The following C2CD2 variants were observed in gnomAD, a reference collection of about 807,000 sequenced individuals.
C2CD2 encodes the protein C2 domain-containing protein 2.
C2CD2 carries 43 observed loss-of-function variants against 74.3 expected under a neutral mutation model. The ratio of observed to expected loss-of-function variants is 0.58; its 90% CI spans 0.45 to 0.75. The LOEUF (loss-of-function observed/expected upper bound fraction) is 0.75. Ranked by LOEUF, C2CD2 falls within the 30% of genes least tolerant of loss-of-function variation. C2CD2 has a pLI of 0.00. For missense variants in C2CD2, 801 were observed against 916.3 expected, an observed-to-expected ratio of 0.87 and a Z score of 1.63; for synonymous variants, 422 against 390.7, an observed-to-expected ratio of 1.08 and a Z score of -0.94.
intron 13 of C2CD2, chr21:41,894,838 C>T: frequency 4.4e-6 from 2 of 456,734 alleles, no homozygotes; most frequent in Non-Finnish European, 8.8e-6. Context: ...TGCCAGTGCA[C>T]ACTAAATAGC....
At chr21:41,917,836 C>A (rs1189276432) in intron 5 of C2CD2, among the ~76,000 whole-genome samples, 1 of 152,116 alleles carries the variant, frequency 6.6e-6, no homozygotes, top group East Asian at 1.9e-4. Context: ...TTCCCAGGTA[C>A]CTTGGTCCTG....
chr21:41,889,374 A>G (rs1281878617), intron 13 of C2CD2, 30 bp from the exon 14 acceptor site: 2 of 1,494,280 alleles, frequency 1.3e-6, no homozygotes, highest in East Asian at 2.3e-5. Context: ...GGGCTGGTCA[A>G]GTGGGCAGGG....
rs937468336 is a variant in C2CD2 at position 41,886,001 on chromosome 21, A to G, written c.*3123T>C. ...ATGGCTACTTTTTGTTATTGCTACA[A>G]TAACACACGCGTGTGTGCAAACACA... On this transcript the variant is annotated 3_prime_UTR_variant, in exon 14 of 14. Coordinates refer to ENST00000380486, the MANE Select transcript of C2CD2 (RefSeq NM_015500.2). The G allele has an allele frequency of 1.3e-5, 2 of 152,412 alleles. No individual in the cohort carries two copies. Among genetic ancestry groups the G allele is most frequent in the East Asian group, 3.8e-4 (2 of 5,198 alleles). The allele number at this position is 152,412 out of a possible 1,614,324, so 9.4% of individuals were successfully genotyped here.
At chr21:41,904,356 C>T (rs1352861298) in intron 11 of C2CD2, among the ~76,000 whole-genome samples, 1 of 152,134 alleles carries the variant, frequency 6.6e-6, no homozygotes, top group Non-Finnish European at 1.5e-5. Flanking sequence ...AATAATCCAC[C>T]ACTTGTTTAA....
rs1390151447 is a variant in C2CD2, at chr21:41,889,135, G to A, written c.2080C>T (p.Pro694Ser). ...GATGACCTCAGGCCCTACGTGCAGGGCTCCACGGGGGCACCGTTCATGGTG... is the reference window on the plus strand; with the variant it reads ...GATGACCTCAGGCCCTACGTGCAGGACTCCACGGGGGCACCGTTCATGGTG... ...KNTMNGAPVE[P>S]CT The change falls in exon 14 of 14, where the codon CCC (proline) becomes TCC (serine). Residue 694 changes from proline (P) to serine (S), a missense_variant. Physicochemically the swap from Pro to Ser is moderately conservative, Grantham distance 74. Transcript: ENST00000380486. The A allele has an allele frequency of 1.2e-6, 2 of 1,611,824 alleles. No homozygotes were observed. The highest frequency in any genetic ancestry group is 4.5e-5 in the East Asian group (2 of 44,878).
intron 2 of C2CD2, among the ~76,000 whole-genome samples, chr21:41,934,825 C>T (rs1028172875): frequency 6.7e-6 from 1 of 150,328 alleles, no homozygotes; most frequent in Middle Eastern, 3.5e-3. Flanking sequence ...CTAACCAGGA[C>T]AACACGGCTG....
In C2CD2 at chr21:41,885,571, T is replaced by C. The variant is rs1234831052; in HGVS notation, c.*3553A>G. 1 of 152,586 alleles carries C rather than the reference T, an allele frequency of 6.6e-6. No homozygotes were observed. The highest frequency in any genetic ancestry group is 1.5e-5 in the Non-Finnish European group (1 of 68,112). The allele number at this position is 152,586 out of a possible 1,614,324, so 9.5% of individuals were successfully genotyped here. A position where few individuals can be genotyped will look rare whatever the true frequency, so the allele number is the denominator to read the frequency against. On this transcript the variant is annotated 3_prime_UTR_variant, in exon 14 of 14. Transcript: ENST00000380486. The stretch of plus-strand genomic sequence containing the variant: ...TCGTGTCTAGGCCGGTTTGGGGCAG[T>C]GGGGAGAGGGCCTGGCAGCAGGGTT...
rs1052586385 is a variant in C2CD2, at chr21:41,899,657, T to C, written c.1561-295A>G. Among the ~76,000 whole-genome samples the C allele has an allele frequency of 6.6e-6, 1 of 151,882 alleles. No individual in the cohort carries two copies. The highest frequency in any genetic ancestry group is 1.5e-5 in the Non-Finnish European group (1 of 67,980). On this transcript the variant is annotated intron_variant, in intron 12 of 13. Transcript: ENST00000380486. This position sits in a 1 kb window ranked among gnomAD's most constrained non-coding sequence, Gnocchi z 4.4. ...ATGGGCCTAGCGGTGGGAGCGTTTGTGGCAAGCTGCAGAAATGAGATGCGA... is the reference window on the plus strand; with the variant it reads ...ATGGGCCTAGCGGTGGGAGCGTTTGCGGCAAGCTGCAGAAATGAGATGCGA...
At chr21:41,902,071 G>A (rs112258510) in intron 11 of C2CD2, among the ~76,000 whole-genome samples, 33 of 152,332 alleles carry the variant, frequency 2.2e-4, no homozygotes, top group African/African-American at 7.9e-4. Flanking sequence ...CTGGTCTACA[G>A]CTTGATTCCC....
chr21:41,900,883 G>A, intron 12 of C2CD2: 1 of 152,240 alleles, frequency 6.6e-6, no homozygotes, highest in Non-Finnish European at 1.5e-5. Flanking sequence ...GATCGCTTGA[G>A]CCCAGGAGTT....
rs1267883589 is a variant in C2CD2 at position 41,926,203 on chromosome 21, C to T, written c.379-4118G>A. Among the ~76,000 whole-genome samples, 1 of 152,146 alleles carries T rather than the reference C, an allele frequency of 6.6e-6. No homozygotes were observed. The highest frequency in any genetic ancestry group is 1.5e-5 in the Non-Finnish European group (1 of 68,030). Reference sequence around the variant, plus strand: ...CAACAACCAACCATCCCCCAACCTGCATTTTTTTGACATTTTTTTTCCCCA... The same window carrying T: ...CAACAACCAACCATCCCCCAACCTGTATTTTTTTGACATTTTTTTTCCCCA... On this transcript the variant is annotated intron_variant, in intron 2 of 13. Coordinates refer to ENST00000380486, the MANE Select transcript of C2CD2 (RefSeq NM_015500.2). This position sits in a 1 kb window ranked among gnomAD's most constrained non-coding sequence, Gnocchi z 8.0.
intron 1 of C2CD2, among the ~76,000 whole-genome samples, chr21:41,947,399 C>T (rs566393058): frequency 1.5e-4 from 23 of 152,002 alleles, no homozygotes; most frequent in African/African-American, 5.3e-4. Flanking sequence ...TCAGGTGATC[C>T]GCCCGCCTCA....
chr21:41,935,953 G>A (rs762936656), intron 2 of C2CD2, among the ~76,000 whole-genome samples: 2 of 151,852 alleles, frequency 1.3e-5, no homozygotes, highest in Admixed American at 6.6e-5. Context: ...AACTCAAAAT[G>A]CATGAAAAAC....
At chr21:41,922,999 CTT>C (rs34673101) in intron 2 of C2CD2, among the ~76,000 whole-genome samples, 165 of 143,188 alleles carry the variant, frequency 1.2e-3, no homozygotes, top group Non-Finnish European at 9.4e-4. Context: ...AGTCTTTTTC[CTT>C]TTTTTTTTTT....
intron 1 of C2CD2, among the ~76,000 whole-genome samples, chr21:41,947,352 T>A (rs1331505939): frequency 2.6e-5 from 4 of 152,132 alleles, no homozygotes; most frequent in Admixed American, 2.0e-4. Flanking sequence ...AGATGGGGTT[T>A]CTCCATGTTG....
intron 1 of C2CD2, among the ~76,000 whole-genome samples, chr21:41,948,058 T>C (rs1322353049): frequency 1.3e-5 from 2 of 152,236 alleles, no homozygotes; most frequent in Non-Finnish European, 1.5e-5. Context: ...CTGGCGCCTA[T>C]TCCTGGGTTT....
chr21:41,947,881 C>T (rs2065415001), intron 1 of C2CD2, among the ~76,000 whole-genome samples: 1 of 152,234 alleles, frequency 6.6e-6, no homozygotes, highest in Non-Finnish European at 1.5e-5. Flanking sequence ...TCCCCACGGG[C>T]CCTTCCACGG....
chr21:41,894,402 G>C (rs543604449), intron 13 of C2CD2, among the ~76,000 whole-genome samples: 55 of 152,302 alleles, frequency 3.6e-4, no homozygotes, highest in Admixed American at 9.2e-4. Flanking sequence ...GGCTGGCTGG[G>C]GTCGCACACT....
chr21:41,953,990 G>C lies in C2CD2; in HGVS notation c.-342C>G, dbSNP rs1174784431. On this transcript the variant is annotated 5_prime_UTR_variant, in exon 1 of 14. Coordinates refer to ENST00000380486, the MANE Select transcript of C2CD2 (RefSeq NM_015500.2). ...GCGCGCCGCCCCGGGCGTCCCGCCC[G>C]CGGCCCAGCGGTGGCCGGAGGAGGC... The C allele has an allele frequency of 6.8e-6, 1 of 147,238 alleles. No individual in the cohort carries two copies. The highest frequency in any genetic ancestry group is 2.4e-5 in the African/African-American group (1 of 40,908). 9.1% of individuals were successfully genotyped at this position (147,238 alleles called of 1,614,324 possible). A position where few individuals can be genotyped will look rare whatever the true frequency, so the allele number is the denominator to read the frequency against.
Sources: allele counts gnomAD v4.1 joint callset (sites outside exome capture counted in the v4.1 genomes callset), GRCh38; gene constraint gnomAD v4.1.1; non-coding constraint Gnocchi (gnomAD v3.1); transcripts MANE v1.5; gene names NCBI Gene and HGNC (gene_info 2026-07-23, HGNC 2026-07-21).